The following KALRN variants were observed in gnomAD, a reference collection of about 807,000 sequenced individuals.
KALRN encodes kalirin RhoGEF kinase.
In KALRN, 70 loss-of-function variants were observed where a neutral mutation model predicts 353.7. The observed-to-expected ratio is 0.20, with a 90% CI of 0.16 to 0.24. The LOEUF (loss-of-function observed/expected upper bound fraction) is 0.24, where lower values mean the gene tolerates loss of function less well. Ranked by LOEUF, KALRN falls within the 10% of genes least tolerant of loss-of-function variation. KALRN has a pLI of 1.00. For missense variants in KALRN, 2,791 were observed against 3,756.7 expected (o/e 0.74, Z 6.72); for synonymous variants, 1,391 against 1,434.8 (o/e 0.97, Z 0.69).
At chr3:124,198,659 T>A (rs2075673183) in intron 1 of KALRN, among the ~76,000 whole-genome samples, 1 of 152,184 alleles carries the variant, frequency 6.6e-6, no homozygotes, top group South Asian at 2.1e-4. Flanking sequence ...GAGTGAGCTT[T>A]TTTGGAGGTC....
At chr3:124,579,378 A>G (rs6790479) in intron 34 of KALRN, among the ~76,000 whole-genome samples, 33,057 of 152,244 alleles carry the variant, frequency 0.22, 4,200 homozygotes, top group East Asian at 0.33. Flanking sequence ...GGCTGCAGGT[A>G]TCACTGAAGA....
chr3:124,115,465 C>A (rs144837661), intron 1 of KALRN, among the ~76,000 whole-genome samples: 50 of 152,166 alleles, frequency 3.3e-4, no homozygotes, highest in African/African-American at 1.1e-3. Context: ...TTATTTTTAC[C>A]CACTTCTCTG....
intron 1 of KALRN, among the ~76,000 whole-genome samples, chr3:124,209,457 C>G (rs552579473): frequency 7.7e-6 from 1 of 129,948 alleles, no homozygotes; most frequent in Non-Finnish European, 1.6e-5. Context: ...CCACTGCACT[C>G]TAGCCTGGGC....
intron 47 of KALRN, among the ~76,000 whole-genome samples, chr3:124,669,963 C>CTTTTTTTTTTTTT (rs61190740): frequency 1.5e-5 from 2 of 136,486 alleles, no homozygotes. Flanking sequence ...CATATATTTT[C>CTTTTTTTTTTTTT]TTTTTTTTTT....
In KALRN at chr3:124,442,076, C is replaced by T; in HGVS notation, c.3313+17C>T. On this transcript the variant is annotated intron_variant, in intron 19 of 59. Coordinates refer to ENST00000682506, the MANE Select transcript of KALRN (RefSeq NM_001388419.1). Reference sequence around the variant, plus strand: ...AAGTGAAAGGTCAGTGAGAGACCTGCCCAGCCACCAGTCACTTCAGCGACA... The same window carrying T: ...AAGTGAAAGGTCAGTGAGAGACCTGTCCAGCCACCAGTCACTTCAGCGACA... 2 of 1,520,484 alleles carry T rather than the reference C, an allele frequency of 1.3e-6. No individual in the cohort carries two copies. The highest frequency in any genetic ancestry group is 1.8e-6 in the Non-Finnish European group (2 of 1,107,274). The allele number at this position is 1,520,484 out of a possible 1,614,324, so 94.2% of individuals were successfully genotyped here. A position where few individuals can be genotyped will look rare whatever the true frequency, so the allele number is the denominator to read the frequency against.
intron 1 of KALRN, among the ~76,000 whole-genome samples, chr3:124,203,288 A>G (rs1234162249): frequency 6.6e-6 from 1 of 152,108 alleles, no homozygotes; most frequent in Non-Finnish European, 1.5e-5. Flanking sequence ...CAGCCTTCTC[A>G]TTAACCCATT....
At chr3:124,058,402 T>C (rs914296780) in intron 1 of KALRN, among the ~76,000 whole-genome samples, 1 of 152,190 alleles carries the variant, frequency 6.6e-6, no homozygotes, top group African/African-American at 2.4e-5. Flanking sequence ...AGTTCACTCA[T>C]TTTGTTGGGT....
At chr3:124,084,769 T>C (rs147597295) in intron 1 of KALRN, among the ~76,000 whole-genome samples, 44 of 152,308 alleles carry the variant, frequency 2.9e-4, no homozygotes, top group African/African-American at 7.2e-4. Flanking sequence ...TTCAAAATTG[T>C]GAAAGGCATG....
intron 15 of KALRN, among the ~76,000 whole-genome samples, chr3:124,425,082 C>G (rs1208080005): frequency 6.6e-6 from 1 of 151,992 alleles, no homozygotes; most frequent in African/African-American, 2.4e-5. Context: ...AGGTTGATCT[C>G]ATAGAAGTGG....
At chr3:124,183,368 C>G (rs2073855573) in intron 1 of KALRN, among the ~76,000 whole-genome samples, 1 of 152,146 alleles carries the variant, frequency 6.6e-6, no homozygotes, top group Non-Finnish European at 1.5e-5. Flanking sequence ...GAAGAGGGAA[C>G]AGGCATCTCT....
intron 34 of KALRN, among the ~76,000 whole-genome samples, chr3:124,564,096 T>A (rs35271323): frequency 0.37 from 55,175 of 147,250 alleles, 10,774 homozygotes; most frequent in African/African-American, 0.51. Context: ...TCCCAGCTAC[T>A]CGGGAGGCTG....
At chr3:124,466,045 TGTG>T (rs2060310560) in intron 25 of KALRN, among the ~76,000 whole-genome samples, 1 of 88,928 alleles carries the variant, frequency 1.1e-5, no homozygotes, top group East Asian at 2.1e-4. Context: ...TGTGTGTGTG[TGTG>T]TGTGTGTGTG....
intron 4 of KALRN, 41 bp from the exon 5 acceptor site, chr3:124,268,702 T>G (rs1439889807): frequency 1.2e-6 from 2 of 1,601,902 alleles, no homozygotes; most frequent in Non-Finnish European, 1.7e-6. Context: ...GTTCTTCCCC[T>G]GACATCACTG....
chr3:124,240,904 T>C (rs1385235072), intron 3 of KALRN, among the ~76,000 whole-genome samples: 1 of 152,208 alleles, frequency 6.6e-6, no homozygotes, highest in African/African-American at 2.4e-5. Context: ...CAGGTGCTCG[T>C]AATTGTTAGT....
At chr3:124,694,627 G>T in intron 53 of KALRN, 124 bp downstream of exon 53, 5 of 927,952 alleles carry the variant, frequency 5.4e-6, no homozygotes, top group South Asian at 1.6e-5. Flanking sequence ...CTGCCCTGGA[G>T]CCTGTTCTTG....
chr3:124,212,290 CACATCAAATCACTATTTCA>C (rs1400087254), intron 1 of KALRN, among the ~76,000 whole-genome samples: 1 of 151,460 alleles, frequency 6.6e-6, no homozygotes, highest in African/African-American at 2.4e-5. Context: ...TATTTGGGAT[CACATCAAATCACTATTTCA>C]GAAGGTTAAA....
intron 14 of KALRN, among the ~76,000 whole-genome samples, chr3:124,417,571 A>G (rs2092575318): frequency 6.6e-6 from 1 of 152,264 alleles, no homozygotes; most frequent in Non-Finnish European, 1.5e-5. Context: ...TTGCCTGAGA[A>G]GAACCCAACC....
intron 1 of KALRN, among the ~76,000 whole-genome samples, chr3:124,040,178 C>G (rs980174701): frequency 2.0e-5 from 3 of 152,112 alleles, no homozygotes; most frequent in Admixed American, 6.5e-5. Flanking sequence ...TAAACTGAAG[C>G]TACAGAAAGA....
chr3:124,588,569 C>T (rs925215043), intron 34 of KALRN, among the ~76,000 whole-genome samples: 4 of 152,084 alleles, frequency 2.6e-5, no homozygotes, highest in East Asian at 1.9e-4. Context: ...GGACTACAGG[C>T]GTGCACCACC....
Sources: gnomAD v4.1 joint callset for allele counts (sites outside exome capture counted in the v4.1 genomes callset) on GRCh38, gnomAD v4.1.1 for gene constraint, MANE v1.5 for transcripts, NCBI Gene and HGNC (gene_info 2026-07-23, HGNC 2026-07-21) for gene names.